The following FHIP1A variants were observed in gnomAD, a reference collection of about 807,000 sequenced individuals.
FHIP1A encodes FHF complex subunit HOOK interacting protein 1A.
A neutral mutation model predicts 88.6 loss-of-function variants in FHIP1A; 61 were observed. The ratio of observed to expected loss-of-function variants is 0.69; its 90% CI spans 0.56 to 0.85. The LOEUF is 0.85. FHIP1A is among the 40% of genes least tolerant of loss of function. The probability of loss-of-function intolerance (pLI) is 0.00; values close to 1 mark genes in which losing one functional copy is unlikely to be tolerated. For missense variants in FHIP1A, 1,154 were observed against 1,273.5 expected (o/e 0.91, Z 1.43); for synonymous variants, 478 against 496.0 (o/e 0.96, Z 0.48).
rs773781256 is a variant in FHIP1A at position 151,555,124 on chromosome 4, C to CG, written c.-122-11014_-122-11013insG. Among the ~76,000 whole-genome samples the CG allele has an allele frequency of 3.7e-4, 56 of 152,220 alleles. 1 individual carries two copies. The highest frequency in any genetic ancestry group is 5.2e-4 in the Admixed American group (8 of 15,274). ...CAGGCAGTTACTTGTTTGATTCCCC[C>CG]AGAGGCGTTGGCTCTTTGATCTTCT... On this transcript the variant is annotated intron_variant, in intron 3 of 13. Transcript: ENST00000435205.
rs1255150095 is a variant in FHIP1A at position 151,519,865 on chromosome 4, TTG to T, written c.-123+37218_-123+37219del. On this transcript the variant is annotated intron_variant, in intron 3 of 13. Transcript: ENST00000435205. The stretch of plus-strand genomic sequence containing the variant: ...GTTGGTGGGTAGTGGCATAATGATA[TTG>T]AGCCTATTTCAAGCACTTAGTGGCC... 2.0e-5 allele frequency among the ~76,000 whole-genome samples: 3 copies of T among 152,290 alleles called. No individual in the cohort carries two copies. In the East Asian group the frequency reaches 5.8e-4, roughly 29 times the overall value.
intron 1 of FHIP1A, among the ~76,000 whole-genome samples, chr4:151,423,713 C>T (rs1733260751): frequency 6.6e-6 from 1 of 152,148 alleles, no homozygotes; most frequent in African/African-American, 2.4e-5. Context: ...TATTAGCACT[C>T]TTCTAGGGAC....
chr4:151,617,083 AG>A (rs2126857249), intron 7 of FHIP1A, among the ~76,000 whole-genome samples: 1 of 152,220 alleles, frequency 6.6e-6, no homozygotes, highest in Non-Finnish European at 1.5e-5. Flanking sequence ...CCTGGCTCCC[AG>A]GAGAAGAGAG....
intron 11 of FHIP1A, among the ~76,000 whole-genome samples, chr4:151,654,033 C>G (rs1737135520): frequency 6.6e-6 from 1 of 151,430 alleles, no homozygotes; most frequent in Non-Finnish European, 1.5e-5. Flanking sequence ...TGATTTTCAG[C>G]TGCTTACCAG....
chr4:151,553,741 T>G (rs1732837220), intron 3 of FHIP1A, among the ~76,000 whole-genome samples: 2 of 152,220 alleles, frequency 1.3e-5, no homozygotes, highest in Admixed American at 1.3e-4. Context: ...GTTTTGCCTA[T>G]TTCCAATCTT....
Position 151,446,750 on chromosome 4 carries a change from T to G in FHIP1A, c.-355-7951T>G, listed in dbSNP as rs1207325480. Among the ~76,000 whole-genome samples the G allele has an allele frequency of 2.0e-5, 3 of 152,232 alleles. No homozygotes were observed. In the East Asian group the frequency reaches 5.8e-4, roughly 29 times the overall value. ...CTTGTATTCAATAACTCAGAATGTT[T>G]TCCTTAGAGTGCACACTATTAAAGT... On this transcript the variant is annotated intron_variant, in intron 1 of 13. Transcript: ENST00000435205.
intron 9 of FHIP1A, among the ~76,000 whole-genome samples, chr4:151,645,336 C>A (rs1275403542): frequency 6.6e-6 from 1 of 152,078 alleles, no homozygotes; most frequent in African/African-American, 2.4e-5. Context: ...CCTTCAGCAT[C>A]AAGTACCACA....
chr4:151,430,549 G>A (rs947442689), intron 1 of FHIP1A, among the ~76,000 whole-genome samples: 5 of 152,174 alleles, frequency 3.3e-5, no homozygotes, highest in Non-Finnish European at 1.5e-5. Context: ...GAAATTTACT[G>A]TGTGTTATAC....
chr4:151,545,721 C>T (rs1234439246), intron 3 of FHIP1A, among the ~76,000 whole-genome samples: 1 of 151,888 alleles, frequency 6.6e-6, no homozygotes, highest in African/African-American at 2.4e-5. Context: ...TATATCCCTC[C>T]TCTTGTCCTT....
At chr4:151,623,938 A>C (rs62327272) in intron 7 of FHIP1A, among the ~76,000 whole-genome samples, 43,346 of 152,060 alleles carry the variant, frequency 0.29, 6,402 homozygotes, top group Non-Finnish European at 0.33. Context: ...AGTAGAATTT[A>C]CTAATGCATT....
chr4:151,420,522 G>A (rs1411186543), intron 1 of FHIP1A, among the ~76,000 whole-genome samples: 1 of 152,174 alleles, frequency 6.6e-6, no homozygotes, highest in Non-Finnish European at 1.5e-5. Flanking sequence ...GTTCAGAGCT[G>A]TGTCCTCCAT....
At chr4:151,437,541 C>T (rs1347669580) in intron 1 of FHIP1A, among the ~76,000 whole-genome samples, 5 of 152,082 alleles carry the variant, frequency 3.3e-5, no homozygotes, top group South Asian at 4.2e-4. Flanking sequence ...ATGAGGGTTT[C>T]GAAGTTGCTT....
At chr4:151,484,934 G>A (rs1730024702) in intron 3 of FHIP1A, among the ~76,000 whole-genome samples, 1 of 152,198 alleles carries the variant, frequency 6.6e-6, no homozygotes, top group South Asian at 2.1e-4. Context: ...GGTGAGTGAG[G>A]AATGTTTCTC....
In FHIP1A at chr4:151,629,769, CA is replaced by C. The variant is rs1190003878; in HGVS notation, c.1047del (p.Ala350HisfsTer21). On this transcript the variant is annotated frameshift_variant, in exon 8 of 14. Transcript: ENST00000435205. LOFTEE classifies it high-confidence loss of function. ...CTTTTCCTGCGTAGCATCTCCGAGC[CA>C]GCACTACTTGAGATCTTCCTCCGTT... The part of the protein sequence containing the change: ...LDLFLRSISE[P>X]ALLEIFLRFI... The C allele has an allele frequency of 6.4e-7, 1 of 1,551,356 alleles. No individual in the cohort carries two copies.
intron 7 of FHIP1A, among the ~76,000 whole-genome samples, chr4:151,607,481 G>A (rs1304527968): frequency 2.6e-5 from 4 of 152,226 alleles, no homozygotes; most frequent in African/African-American, 9.6e-5. Flanking sequence ...AGTGACAAGT[G>A]TAAGAGGCTT....
At chr4:151,601,690 G>C (rs558122630) in intron 7 of FHIP1A, among the ~76,000 whole-genome samples, 1 of 151,338 alleles carries the variant, frequency 6.6e-6, no homozygotes, top group South Asian at 2.1e-4. Flanking sequence ...GAGTCAGGGT[G>C]TGCAGTGGAA....
At chr4:151,428,436 C>T (rs1161398438) in intron 1 of FHIP1A, among the ~76,000 whole-genome samples, 1 of 152,052 alleles carries the variant, frequency 6.6e-6, no homozygotes, top group Non-Finnish European at 1.5e-5. Context: ...TCATTCATTT[C>T]TCTCCATCTT....
chr4:151,469,820 C>T (rs1008460958), intron 2 of FHIP1A, among the ~76,000 whole-genome samples: 1 of 152,178 alleles, frequency 6.6e-6, no homozygotes, highest in African/African-American at 2.4e-5. Flanking sequence ...AAATCCTGTT[C>T]AATCATATAT....
chr4:151,465,236 C>T (rs557267701), intron 2 of FHIP1A, among the ~76,000 whole-genome samples: 1 of 152,036 alleles, frequency 6.6e-6, no homozygotes, highest in Non-Finnish European at 1.5e-5. Context: ...TCAGAGAATA[C>T]TATAAACACC....
Sources: allele counts gnomAD v4.1 joint callset (sites outside exome capture counted in the v4.1 genomes callset), GRCh38; gene constraint gnomAD v4.1.1; transcripts MANE v1.5; gene names NCBI Gene and HGNC (gene_info 2026-07-23, HGNC 2026-07-21).